UNC13B: variants seen among roughly 807,000 people sequenced by gnomAD.
UNC13B encodes protein unc-13 homolog B.
Under a neutral mutation model 211.0 loss-of-function variants are expected in UNC13B, and 144 were observed. That is an observed-to-expected ratio of 0.68 (90% CI 0.60 to 0.78). The LOEUF (loss-of-function observed/expected upper bound fraction) is 0.78, where lower values mean the gene tolerates loss of function less well. Among genes scored for constraint, UNC13B ranks in the 30% least tolerant of loss-of-function variants. The pLI is 0.00. For missense variants in UNC13B, 1,777 were observed against 2,002.0 expected (o/e 0.89, Z 2.14); for synonymous variants, 709 against 725.8 (o/e 0.98, Z 0.37).
At chr9:35,334,758 C>T (rs1000115621) in intron 11 of UNC13B, among the ~76,000 whole-genome samples, 6 of 152,066 alleles carry the variant, frequency 3.9e-5, no homozygotes, top group East Asian at 1.9e-4. Context: ...ATTAGGTGGC[C>T]GGGCGCGGTG....
At chr9:35,180,593 G>A (rs1338884468) in intron 1 of UNC13B, among the ~76,000 whole-genome samples, 1 of 151,956 alleles carries the variant, frequency 6.6e-6, no homozygotes, top group African/African-American at 2.4e-5. Context: ...CAAAAATTAT[G>A]GGCTTTTGAA....
In UNC13B at chr9:35,386,290, G is replaced by A. The variant is rs1186164583; in HGVS notation, c.11091G>A (p.Gln3697=). ...ACGACTTATACAGCCGCCAGTACCA[G>A]CTGGTAAGAGGTTCAGGATCAGGTG... is the stretch of plus-strand genomic sequence containing the variant. ...NCHDLYSRQY[Q]LKQELPPEEQ... is the part of the protein sequence containing the mutation. Residue 3697 remains glutamine, a synonymous_variant, in exon 24 of 40, where the codon CAG becomes CAA. Transcript: ENST00000635942. 2 of 1,614,104 alleles carry A rather than the reference G, an allele frequency of 1.2e-6. No individual in the cohort carries two copies. The highest frequency in any genetic ancestry group is 3.3e-5 in the Admixed American group (2 of 60,018).
intron 11 of UNC13B, among the ~76,000 whole-genome samples, chr9:35,320,180 A>C (rs1056169144): frequency 1.3e-5 from 2 of 152,180 alleles, no homozygotes; most frequent in African/African-American, 4.8e-5. Context: ...TGCTATTGTG[A>C]ATAATGCTGC....
In UNC13B at chr9:35,304,489, A is replaced by C. The variant is rs1278543282; in HGVS notation, c.5085A>C (p.Gln1695His). ...TISNHVSSRD[Q>H]IIERDKNQPL... ...GTAATCATGTCTCAAGCAGAGATCA[A>C]ATTATAGAGAGAGATAAAAACCAGC... is the stretch of plus-strand genomic sequence containing the variant. Residue 1695 changes from glutamine to histidine, a missense_variant, in exon 9 of 40, where the codon CAA becomes CAC. Gln to His is a conservative substitution (Grantham distance 24, BLOSUM62 0). Transcript: ENST00000635942. The C allele has an allele frequency of 5.0e-6, 2 of 398,548 alleles. No individual in the cohort carries two copies. 24.7% of individuals were successfully genotyped at this position (398,548 alleles called of 1,614,324 possible). A position where few individuals can be genotyped will look rare whatever the true frequency, so the allele number is the denominator to read the frequency against.
intron 11 of UNC13B, among the ~76,000 whole-genome samples, chr9:35,346,703 A>G (rs1162525368): frequency 6.6e-6 from 1 of 152,148 alleles, no homozygotes; most frequent in Non-Finnish European, 1.5e-5. Flanking sequence ...ATGTGTGTGT[A>G]TGAAATTTGG....
intron 11 of UNC13B, among the ~76,000 whole-genome samples, chr9:35,337,893 G>A (rs950153761): frequency 3.9e-5 from 6 of 152,212 alleles, no homozygotes; most frequent in African/African-American, 1.4e-4. Context: ...AACCCAGTTA[G>A]TCTCCACTTA....
At chr9:35,346,686 T>G (rs1396207575) in intron 11 of UNC13B, among the ~76,000 whole-genome samples, 1 of 152,176 alleles carries the variant, frequency 6.6e-6, no homozygotes, top group Non-Finnish European at 1.5e-5. Flanking sequence ...GTATGGTTTT[T>G]GTCGGAATGT....
In UNC13B at chr9:35,264,121, A is replaced by G. The variant is rs1410742359; in HGVS notation, c.526+5071A>G. On this transcript the variant is annotated intron_variant, in intron 7 of 39. Transcript: ENST00000635942. ...GAAGAGTTTTGAGGTGCATGCTAGAAAAAACTGAGATTTCCATGAAGGGGT... is the reference window on the plus strand; with the variant it reads ...GAAGAGTTTTGAGGTGCATGCTAGAGAAAACTGAGATTTCCATGAAGGGGT... 5.3e-5 allele frequency among the ~76,000 whole-genome samples: 8 copies of G among 152,300 alleles called. No homozygotes were observed. In the South Asian group the frequency reaches 1.5e-3, roughly 28 times the overall value.
chr9:35,385,736 G>T lies in UNC13B; in HGVS notation c.10888G>T (p.Ala3630Ser). The change falls in exon 23 of 40, where the codon GCT (alanine) becomes TCT (serine). Residue 3630 changes from alanine to serine, a missense_variant. Coordinates refer to ENST00000635942, the MANE Select transcript of UNC13B (RefSeq NM_001371189.2). ...DLSTYRNNFP[A>S]GSPERLQDLK... is the part of the protein sequence containing the mutation. ...TGATTTGCAACAGAATAATTTCCCTGCTGGGAGTCCTGAACGGCTTCAGGA... is the reference window on the plus strand; with the variant it reads ...TGATTTGCAACAGAATAATTTCCCTTCTGGGAGTCCTGAACGGCTTCAGGA... The T allele has an allele frequency of 3.1e-6, 5 of 1,602,182 alleles. No individual in the cohort carries two copies. Among genetic ancestry groups the T allele is most frequent in the Non-Finnish European group, 4.3e-6 (5 of 1,170,384 alleles).
intron 7 of UNC13B, among the ~76,000 whole-genome samples, chr9:35,279,456 T>G (rs866874715): frequency 4.7e-4 from 72 of 151,716 alleles, no homozygotes; most frequent in African/African-American, 1.7e-3. Context: ...ATGAAATATG[T>G]TTTTTTTTAA....
At chr9:35,211,289 T>C (rs1415464667) in intron 1 of UNC13B, among the ~76,000 whole-genome samples, 2 of 152,212 alleles carry the variant, frequency 1.3e-5, no homozygotes, top group Non-Finnish European at 1.5e-5. Flanking sequence ...TATAAGCATA[T>C]GTGTGCCTGT....
intron 1 of UNC13B, among the ~76,000 whole-genome samples, chr9:35,220,865 A>T (rs1824529979): frequency 6.6e-6 from 1 of 152,126 alleles, no homozygotes; most frequent in African/African-American, 2.4e-5. Flanking sequence ...TAATAATTAT[A>T]TTCCTGCCAA....
At chr9:35,292,192 A>G (rs1454705001) in intron 7 of UNC13B, among the ~76,000 whole-genome samples, 5 of 151,860 alleles carry the variant, frequency 3.3e-5, no homozygotes, top group Non-Finnish European at 5.9e-5. Context: ...CCAATCCAAG[A>G]CTCAATCCAG....
At chr9:35,379,944 A>G (rs569581033) in intron 17 of UNC13B, among the ~76,000 whole-genome samples, 2 of 152,154 alleles carry the variant, frequency 1.3e-5, no homozygotes, top group South Asian at 2.1e-4. Flanking sequence ...GATAGACGAG[A>G]TGACAATTCA....
intron 7 of UNC13B, among the ~76,000 whole-genome samples, chr9:35,293,569 C>T (rs1829198629): frequency 6.6e-6 from 1 of 152,162 alleles, no homozygotes; most frequent in South Asian, 2.1e-4. Context: ...GCACTGACTT[C>T]TACAGACTTG....
intron 7 of UNC13B, among the ~76,000 whole-genome samples, chr9:35,275,384 A>G (rs1488957169): frequency 1.3e-5 from 2 of 152,206 alleles, no homozygotes; most frequent in Admixed American, 6.6e-5. Flanking sequence ...TATACTTTGT[A>G]TAGGAGTTTT....
chr9:35,289,775 G>A (rs1326908717), intron 7 of UNC13B, among the ~76,000 whole-genome samples: 6 of 152,006 alleles, frequency 3.9e-5, no homozygotes, highest in Non-Finnish European at 5.9e-5. Context: ...TTAGGAGTTC[G>A]AGGCCAGCCT....
chr9:35,260,993 A>G (rs1336026733), intron 7 of UNC13B, among the ~76,000 whole-genome samples: 3 of 152,178 alleles, frequency 2.0e-5, no homozygotes, highest in Non-Finnish European at 2.9e-5. Context: ...TTATTCCCAT[A>G]CATTTTTCAT....
chr9:35,204,162 A>C (rs1248779137), intron 1 of UNC13B, among the ~76,000 whole-genome samples: 2 of 152,228 alleles, frequency 1.3e-5, no homozygotes, highest in Non-Finnish European at 2.9e-5. Flanking sequence ...TTGGTGGTTT[A>C]CACTTGGTGT....
Sources: allele counts gnomAD v4.1 joint callset (sites outside exome capture counted in the v4.1 genomes callset), GRCh38; gene constraint gnomAD v4.1.1; transcripts MANE v1.5; gene names NCBI Gene and HGNC (gene_info 2026-07-23, HGNC 2026-07-21).